Variants in KLRG1 observed in about 807,000 individuals in gnomAD.
KLRG1 encodes killer cell lectin like receptor G1.
In KLRG1, 16 loss-of-function variants were observed where a neutral mutation model predicts 21.8. That is an observed-to-expected ratio of 0.73 (90% CI 0.50 to 1.11). The LOEUF (loss-of-function observed/expected upper bound fraction) is 1.11. Ranked by LOEUF, KLRG1 falls within the 50% of genes most tolerant of loss-of-function variation. The pLI, the probability that KLRG1 is intolerant of heterozygous loss-of-function variation, is 0.00. For missense variants in KLRG1, 173 were observed against 218.3 expected (o/e 0.79, Z 1.31); for synonymous variants, 69 against 75.9 (o/e 0.91, Z 0.47).
At chr12:9,134,864 C>A in the KLRG1 span, among the ~76,000 whole-genome samples, 1 of 152,198 alleles carries the variant, frequency 6.6e-6, no homozygotes, top group African/African-American at 2.4e-5. Flanking sequence ...AAACCGCCAT[C>A]GCTCCTCTCT....
chr12:9,153,187 A>G, the KLRG1 span: 2 of 1,614,172 alleles, frequency 1.2e-6, no homozygotes, highest in Non-Finnish European at 1.7e-6. Flanking sequence ...AGCTCTGGCA[A>G]TGAGATCTGC....
chr12:9,157,529 A>G, the KLRG1 span, among the ~76,000 whole-genome samples: 1 of 152,264 alleles, frequency 6.6e-6, no homozygotes, highest in African/African-American at 2.4e-5. Context: ...TTTATAGTTC[A>G]GTCTTAAAGA....
the KLRG1 span, among the ~76,000 whole-genome samples, chr12:9,050,712 C>G: frequency 2.0e-5 from 3 of 152,100 alleles, no homozygotes; most frequent in Non-Finnish European, 4.4e-5. Flanking sequence ...TCGCGCTCCA[C>G]GGAGCAGGCA....
the KLRG1 span, among the ~76,000 whole-genome samples, chr12:9,038,866 T>C: frequency 6.8e-6 from 1 of 147,342 alleles, no homozygotes; most frequent in Non-Finnish European, 1.5e-5. Flanking sequence ...GATCGTGGGC[T>C]GCACTCCAGC....
chr12:9,157,754 A>C, the KLRG1 span: 2 of 1,609,260 alleles, frequency 1.2e-6, no homozygotes, highest in South Asian at 2.2e-5. Context: ...AATGGGATTG[A>C]GCTGGTACCT....
At chr12:9,164,103 T>C in the KLRG1 span, 2 of 1,592,692 alleles carry the variant, frequency 1.3e-6, no homozygotes, top group Admixed American at 1.7e-5. Flanking sequence ...CCTTGTTGAT[T>C]GATAGGCCCT....
At chr12:8,989,767 A>G (rs1354955706) in intron 1 of KLRG1, 50 bp downstream of exon 1, 1 of 963,976 alleles carries the variant, frequency 1.0e-6, no homozygotes, top group South Asian at 1.3e-5. Context: ...ACAGTAGGCT[A>G]TGGATGAATG....
chr12:9,056,408 G>A, the KLRG1 span, among the ~76,000 whole-genome samples: 3 of 152,136 alleles, frequency 2.0e-5, no homozygotes, highest in African/African-American at 7.2e-5. Context: ...GGGATCACGC[G>A]GGTATGTGTT....
chr12:9,166,177 T>C, the KLRG1 span: 2 of 1,613,572 alleles, frequency 1.2e-6, no homozygotes, highest in East Asian at 4.5e-5. Context: ...GAGGAACATA[T>C]GGTCTCTCTA....
chr12:9,082,689 C>A, the KLRG1 span, among the ~76,000 whole-genome samples: 11 of 152,098 alleles, frequency 7.2e-5, no homozygotes, highest in African/African-American at 2.4e-4. Flanking sequence ...TGGCCAAGCT[C>A]AAAAAATTGA....
the KLRG1 span, among the ~76,000 whole-genome samples, chr12:9,075,550 C>G: frequency 1.1e-4 from 17 of 152,144 alleles, no homozygotes; most frequent in Admixed American, 1.1e-3. Flanking sequence ...TCTGCACATA[C>G]TTGTATAGGG....
chr12:9,011,418 T>C (rs770377894), downstream of KLRG1, among the ~76,000 whole-genome samples: 59 of 152,342 alleles, frequency 3.9e-4, no homozygotes, highest in African/African-American at 1.4e-3. Context: ...GATTAGCACT[T>C]ACATTGCACA....
chr12:9,107,059 T>C, the KLRG1 span, among the ~76,000 whole-genome samples: 8 of 152,204 alleles, frequency 5.3e-5, no homozygotes, highest in Non-Finnish European at 1.2e-4. Context: ...ACAGTACATC[T>C]GCTCTTGACC....
At chr12:9,117,019 A>AT in the KLRG1 span, among the ~76,000 whole-genome samples, 39 of 152,342 alleles carry the variant, frequency 2.6e-4, no homozygotes, top group Non-Finnish European at 5.3e-4. Flanking sequence ...TTTTAAAAAA[A>AT]TTTTGAGGGA....
the KLRG1 span, among the ~76,000 whole-genome samples, chr12:9,026,082 T>C: frequency 0.37 from 56,292 of 151,954 alleles, 10,582 homozygotes; most frequent in African/African-American, 0.44. Context: ...GGCAGCAGCC[T>C]ACATGGGATT....
At chr12:9,169,019 A>C in the KLRG1 span, 24 of 1,390,680 alleles carry the variant, frequency 1.7e-5, no homozygotes, top group Non-Finnish European at 2.5e-5. Context: ...CTTGATTAGA[A>C]TATATAAAAC....
chr12:9,156,266 G>A, the KLRG1 span: 4,955 of 209,410 alleles, frequency 0.024, 70 homozygotes, highest in Non-Finnish European at 0.027. Context: ...TTCGCTTTGG[G>A]AAACTTCAGT....
At chr12:9,146,846 C>A in the KLRG1 span, among the ~76,000 whole-genome samples, 3 of 152,170 alleles carry the variant, frequency 2.0e-5, no homozygotes, top group South Asian at 2.1e-4. Context: ...ATCAGAACTA[C>A]CTGACTGGCA....
At chr12:8,972,274 C>G (rs994101487) in intron 1 of KLRG1, among the ~76,000 whole-genome samples, 11 of 152,214 alleles carry the variant, frequency 7.2e-5, no homozygotes, top group African/African-American at 2.7e-4. Context: ...TCTCCTGCCT[C>G]AGCCTCCCGA....
Sources: gnomAD v4.1 joint callset for allele counts (sites outside exome capture counted in the v4.1 genomes callset) on GRCh38, gnomAD v4.1.1 for gene constraint, MANE v1.5 for transcripts, NCBI Gene and HGNC (gene_info 2026-07-23, HGNC 2026-07-21) for gene names.